Variants in MEGF10 observed in about 807,000 individuals in gnomAD.
The protein encoded by MEGF10 is multiple EGF like domains 10.
A neutral mutation model predicts 147.5 loss-of-function variants in MEGF10; 86 were observed. That is an observed-to-expected ratio of 0.58 (90% CI 0.49 to 0.70). The LOEUF is 0.70. Ranked by LOEUF, MEGF10 falls within the 30% of genes least tolerant of loss-of-function variation. The probability of loss-of-function intolerance (pLI) is 0.00; values close to 1 mark genes in which losing one functional copy is unlikely to be tolerated. For missense variants in MEGF10, 1,329 were observed against 1,487.3 expected, an observed-to-expected ratio of 0.89 and a Z score of 1.75; for synonymous variants, 478 against 525.5, an observed-to-expected ratio of 0.91 and a Z score of 1.24.
chr5:127,336,794 G>T (rs1282222102), intron 2 of MEGF10, among the ~76,000 whole-genome samples: 1 of 152,034 alleles, frequency 6.6e-6, no homozygotes, highest in Admixed American at 6.6e-5. Flanking sequence ...CTCCCAACTG[G>T]CATTAATTTA....
At chr5:127,236,410 T>C in the MEGF10 span, among the ~76,000 whole-genome samples, 1 of 152,228 alleles carries the variant, frequency 6.6e-6, no homozygotes, top group African/African-American at 2.4e-5. Flanking sequence ...AGTATGGCTG[T>C]GTTCAGTACA....
At chr5:127,359,821 A>C (rs959479940) in intron 4 of MEGF10, among the ~76,000 whole-genome samples, 2 of 152,116 alleles carry the variant, frequency 1.3e-5, no homozygotes, top group African/African-American at 4.8e-5. Context: ...ATTACACATA[A>C]AACTTCTCTG....
chr5:127,398,724 G>T lies in MEGF10; in HGVS notation c.708G>T (p.Gln236His). 6.2e-7 allele frequency: 1 copy of T among 1,614,092 alleles called. No individual in the cohort carries two copies. The change falls in exon 7 of 25, where the codon CAG becomes CAT. Residue 236 changes from glutamine (Q) to histidine (H), a missense_variant. Physicochemically the swap from Gln to His is conservative, Grantham distance 24. Around this residue, in one of 3 missense-constraint regions of MEGF10, gnomAD observed 980 missense variants for 1,085.9 expected, o/e 0.90. Coordinates refer to ENST00000503335, the MANE Select transcript of MEGF10 (RefSeq NM_001256545.2). ...PPGKHGPQCE[Q>H]RCPCQNGGVC... Reference sequence around the variant, plus strand: ...GTAAACATGGTCCACAGTGTGAGCAGAGATGCCCTTGTCAAAATGGAGGAG... The same window carrying T: ...GTAAACATGGTCCACAGTGTGAGCATAGATGCCCTTGTCAAAATGGAGGAG...
intron 4 of MEGF10, among the ~76,000 whole-genome samples, chr5:127,350,795 A>G (rs915419661): frequency 6.6e-6 from 1 of 152,126 alleles, no homozygotes; most frequent in Non-Finnish European, 1.5e-5. Context: ...AAAAATTTTG[A>G]AGTTGTAGTT....
At chr5:127,277,889 G>A in the MEGF10 span, among the ~76,000 whole-genome samples, 1 of 152,132 alleles carries the variant, frequency 6.6e-6, no homozygotes, top group East Asian at 1.9e-4. Flanking sequence ...GGATGAATTT[G>A]GGAAGGGCAG....
At chr5:127,305,562 A>G (rs1205837038) in intron 1 of MEGF10, among the ~76,000 whole-genome samples, 1 of 152,054 alleles carries the variant, frequency 6.6e-6, no homozygotes, top group Non-Finnish European at 1.5e-5. Flanking sequence ...GTCCACTTTT[A>G]TTTTGGTGAA....
At chr5:127,355,932 A>G (rs1208627306) in intron 4 of MEGF10, among the ~76,000 whole-genome samples, 1 of 152,106 alleles carries the variant, frequency 6.6e-6, no homozygotes, top group Non-Finnish European at 1.5e-5. Flanking sequence ...TCCTTGCCTT[A>G]TCTCTAGAAA....
At chr5:127,448,249 G>A (rs1435806387) in intron 21 of MEGF10, among the ~76,000 whole-genome samples, 1 of 152,110 alleles carries the variant, frequency 6.6e-6, no homozygotes, top group Non-Finnish European at 1.5e-5. Flanking sequence ...CTAATATTAT[G>A]TGCCAAGCAT....
At chr5:127,353,778 G>T (rs1258825229) in intron 4 of MEGF10, among the ~76,000 whole-genome samples, 1 of 152,182 alleles carries the variant, frequency 6.6e-6, no homozygotes, top group Non-Finnish European at 1.5e-5. Flanking sequence ...AAAGTCAAAT[G>T]GTAACTCAAA....
At chr5:127,254,191 A>C in the MEGF10 span, among the ~76,000 whole-genome samples, 3 of 152,084 alleles carry the variant, frequency 2.0e-5, no homozygotes, top group Non-Finnish European at 4.4e-5. Context: ...TTGACTTCCT[A>C]CTATTGAAGA....
intron 1 of MEGF10, among the ~76,000 whole-genome samples, chr5:127,303,350 A>T (rs979192145): frequency 2.0e-5 from 3 of 151,834 alleles, no homozygotes; most frequent in Non-Finnish European, 4.4e-5. Flanking sequence ...AAAAAAAAAA[A>T]AAAAAGCAAT....
At chr5:127,244,072 T>C in the MEGF10 span, among the ~76,000 whole-genome samples, 1 of 151,564 alleles carries the variant, frequency 6.6e-6, no homozygotes, top group African/African-American at 2.4e-5. Context: ...GGTGCATGCC[T>C]GTAATCCCAA....
rs17164938 is a variant in MEGF10 at position 127,455,537 on chromosome 5, G to A, written c.3162G>A (p.Pro1054=). The change falls in exon 24 of 25, where the codon CCG becomes CCA. Residue 1054 remains proline, a synonymous_variant. Coordinates refer to ENST00000503335, the MANE Select transcript of MEGF10 (RefSeq NM_001256545.2). ...SECGYVEMKS[P]ARRDSPYAEI... ...GTGGTTATGTGGAGATGAAATCGCCGGCACGAAGAGATTCCCCATATGCAG... is the reference window on the plus strand; with the variant it reads ...GTGGTTATGTGGAGATGAAATCGCCAGCACGAAGAGATTCCCCATATGCAG... 0.032 allele frequency: 51,601 copies of A among 1,613,852 alleles called. 914 individuals carry two copies. The highest frequency in any genetic ancestry group is 0.04 in the African/African-American group (3,031 of 74,978).
At chr5:127,448,969 G>T in intron 21 of MEGF10, 130 bp from the exon 22 acceptor site, 1 of 1,194,716 alleles carries the variant, frequency 8.4e-7, no homozygotes, top group Non-Finnish European at 1.2e-6. Context: ...AGTCACCTCG[G>T]CCCCTGAGCT....
rs1462674630 is a variant in MEGF10 at position 127,438,551 on chromosome 5, G to T, written c.2217G>T (p.Gly739=). Residue 739 remains glycine (G), a synonymous_variant, in exon 17 of 25, where the codon GGG becomes GGT. Coordinates refer to ENST00000503335, the MANE Select transcript of MEGF10 (RefSeq NM_001256545.2). The part of the protein sequence containing the change: ...GECKCTPGWT[G]LYCTQRCPLG... ...GTAAATGCACTCCTGGCTGGACAGG[G>T]CTCTACTGCACTCAGAGTAAGTGAC... The T allele has an allele frequency of 1.9e-6, 3 of 1,614,072 alleles. No homozygotes were observed. Among genetic ancestry groups the T allele is most frequent in the Non-Finnish European group, 2.5e-6 (3 of 1,179,942 alleles).
At chr5:127,444,064 A>G (rs1765851207) in intron 19 of MEGF10, among the ~76,000 whole-genome samples, 1 of 152,218 alleles carries the variant, frequency 6.6e-6, no homozygotes, top group Admixed American at 6.5e-5. Flanking sequence ...AATAGTTGTC[A>G]GGTACATGGT....
chr5:127,250,665 T>G, the MEGF10 span, among the ~76,000 whole-genome samples: 2 of 151,780 alleles, frequency 1.3e-5, no homozygotes, highest in African/African-American at 2.4e-5. Context: ...CTCTAACCAA[T>G]GCAAATATAT....
At chr5:127,266,079 T>C in the MEGF10 span, among the ~76,000 whole-genome samples, 3 of 152,040 alleles carry the variant, frequency 2.0e-5, no homozygotes, top group Admixed American at 6.6e-5. Flanking sequence ...CTTTAATCCA[T>C]CTTGAATTAA....
intron 1 of MEGF10, among the ~76,000 whole-genome samples, chr5:127,325,993 T>C (rs1268434437): frequency 6.6e-6 from 1 of 150,820 alleles, no homozygotes; most frequent in African/African-American, 2.4e-5. Flanking sequence ...AGCCTTGACC[T>C]TCGAGGCTCA....
Sources: allele counts gnomAD v4.1 joint callset (sites outside exome capture counted in the v4.1 genomes callset), GRCh38; gene constraint gnomAD v4.1.1; regional missense constraint gnomAD v4.1.1; transcripts MANE v1.5; gene names NCBI Gene and HGNC (gene_info 2026-07-23, HGNC 2026-07-21).